ANO3: variants seen among roughly 807,000 people sequenced by gnomAD.
The protein encoded by ANO3 is anoctamin 3, also known as anoctamin-3.
A neutral mutation model predicts 144.8 loss-of-function variants in ANO3; 99 were observed. The ratio of observed to expected loss-of-function variants is 0.68; its 90% CI spans 0.58 to 0.81. The LOEUF (loss-of-function observed/expected upper bound fraction) is 0.81. Among genes scored for constraint, ANO3 ranks in the 30% least tolerant of loss-of-function variants. The probability of loss-of-function intolerance (pLI) is 0.00; values close to 1 mark genes in which losing one functional copy is unlikely to be tolerated. For missense variants in ANO3, 905 were observed against 1,202.2 expected (o/e 0.75, Z 3.66); for synonymous variants, 414 against 392.6 (o/e 1.05, Z -0.64).
At chr11:26,484,075 G>T (rs1860341788) in intron 4 of ANO3, among the ~76,000 whole-genome samples, 1 of 152,178 alleles carries the variant, frequency 6.6e-6, no homozygotes, top group Admixed American at 6.5e-5. Flanking sequence ...AAATTTCAAA[G>T]TAGCAAAACA....
intron 4 of ANO3, among the ~76,000 whole-genome samples, chr11:26,493,905 G>T (rs569270562): frequency 6.6e-6 from 1 of 151,946 alleles, no homozygotes; most frequent in Non-Finnish European, 1.5e-5. Context: ...TTCAAGCCTG[G>T]AATTTGCCAA....
chr11:26,254,180 C>A (rs535829596), intron 1 of ANO3, among the ~76,000 whole-genome samples: 1 of 152,230 alleles, frequency 6.6e-6, no homozygotes, highest in East Asian at 1.9e-4. Context: ...GTAGCATTTC[C>A]TGGAAAGGTA....
intron 24 of ANO3, among the ~76,000 whole-genome samples, chr11:26,652,750 T>G (rs2133087257): frequency 6.6e-6 from 1 of 152,324 alleles, no homozygotes; most frequent in South Asian, 2.1e-4. Context: ...TGTTCCTATG[T>G]TCTCCAATTC....
At chr11:26,449,474 C>CTG (rs1292735078) in intron 3 of ANO3, among the ~76,000 whole-genome samples, 17 of 36,134 alleles carry the variant, frequency 4.7e-4, no homozygotes, top group East Asian at 3.3e-3. Flanking sequence ...GTCTGTCTGT[C>CTG]TCTCTCTCTC....
chr11:26,384,992 G>C (rs1355169994), intron 1 of ANO3, among the ~76,000 whole-genome samples: 1 of 152,096 alleles, frequency 6.6e-6, no homozygotes. Context: ...CCTCTAGTAT[G>C]TTTATCCCTT....
At chr11:26,544,246 T>TTATATATATATATATATATATATATA (rs754529950) in intron 11 of ANO3, among the ~76,000 whole-genome samples, 1 of 14,054 alleles carries the variant, frequency 7.1e-5, no homozygotes, top group East Asian at 4.4e-3. Flanking sequence ...TAGTATTTCA[T>TTATATATATATATATATATATATATA]TATACATATA....
intron 21 of ANO3, among the ~76,000 whole-genome samples, 173 bp from the exon 22 acceptor site, chr11:26,641,723 A>G (rs1277208051): frequency 6.6e-6 from 1 of 152,220 alleles, no homozygotes; most frequent in African/African-American, 2.4e-5. Context: ...AAGATATTTA[A>G]GCTTTCAAAA....
upstream of ANO3, among the ~76,000 whole-genome samples, chr11:26,305,661 A>G (rs1854364141): frequency 6.6e-6 from 1 of 152,182 alleles, no homozygotes; most frequent in Non-Finnish European, 1.5e-5. Context: ...TTACATAACT[A>G]CTTTCAGAGT....
Position 26,598,159 on chromosome 11 carries a change from A to T in ANO3, c.1448-206A>T, listed in dbSNP as rs74567353. On this transcript the variant is annotated intron_variant, in intron 14 of 26. Transcript: ENST00000256737. The stretch of plus-strand genomic sequence containing the variant: ...CCCTGCTTCTTGGTTCCAGTAAAAG[A>T]AATCACACCCCTCTAGCAGTGTATG... Among the ~76,000 whole-genome samples the T allele has an allele frequency of 8.2e-3, 1,246 of 152,346 alleles. 21 individuals carry two copies. The highest frequency in any genetic ancestry group is 0.029 in the African/African-American group (1,185 of 41,568).
intron 20 of ANO3, among the ~76,000 whole-genome samples, chr11:26,635,396 A>G (rs1027787380): frequency 3.9e-5 from 6 of 152,072 alleles, no homozygotes; most frequent in African/African-American, 1.4e-4. Flanking sequence ...TAAATATGTT[A>G]GGTTTCCTTT....
intron 17 of ANO3, among the ~76,000 whole-genome samples, chr11:26,603,748 T>C (rs962825308): frequency 6.6e-6 from 1 of 152,144 alleles, no homozygotes; most frequent in African/African-American, 2.4e-5. Flanking sequence ...TGAGAAAAAA[T>C]GTGGCACACC....
At chr11:26,197,043 A>G (rs1309943515) in intron 1 of ANO3, among the ~76,000 whole-genome samples, 3 of 152,214 alleles carry the variant, frequency 2.0e-5, no homozygotes, top group East Asian at 3.9e-4. Flanking sequence ...CATGCATAAC[A>G]GTGTATATGT....
rs1179269596 is a variant in ANO3, at chr11:26,340,852, T to C, written c.46+8531T>C. ...CTAAATGGCATTGGCTGTCTTGTCT[T>C]GTTTATTCTATGCTCTTTAACTTCT... is the stretch of plus-strand genomic sequence containing the variant. On this transcript the variant is annotated intron_variant, in intron 1 of 26. Transcript: ENST00000256737. 2.0e-5 allele frequency among the ~76,000 whole-genome samples: 3 copies of C among 152,206 alleles called. No individual in the cohort carries two copies. The East Asian group carries it at 5.8e-4, about 29-fold the overall frequency.
At chr11:26,408,260 A>G (rs192600485) in intron 1 of ANO3, among the ~76,000 whole-genome samples, 24,054 of 151,460 alleles carry the variant, frequency 0.16, 2,057 homozygotes, top group South Asian at 0.3. Context: ...TCTACAATGA[A>G]CTCAAACAAA....
At chr11:26,653,221 A>G (rs6484237) in intron 24 of ANO3, among the ~76,000 whole-genome samples, 57,170 of 151,958 alleles carry the variant, frequency 0.38, 11,946 homozygotes, top group South Asian at 0.49. Context: ...AAAACTTGCC[A>G]TGCCCAAATT....
chr11:26,343,557 C>T (rs373521881), intron 1 of ANO3, among the ~76,000 whole-genome samples: 50 of 152,174 alleles, frequency 3.3e-4, no homozygotes, highest in South Asian at 2.3e-3. Flanking sequence ...CTCACGACTC[C>T]GTGGTACACT....
At chr11:26,467,966 G>A (rs936388104) in intron 4 of ANO3, among the ~76,000 whole-genome samples, 2 of 151,784 alleles carry the variant, frequency 1.3e-5, no homozygotes, top group Non-Finnish European at 2.9e-5. Flanking sequence ...TTTTAAGATG[G>A]TTTGGGTAAA....
intron 1 of ANO3, among the ~76,000 whole-genome samples, chr11:26,396,613 C>T (rs1273659557): frequency 1.0e-4 from 2 of 19,196 alleles, no homozygotes; most frequent in Non-Finnish European, 3.3e-4. Flanking sequence ...ACTATGCATC[C>T]ATAAAAAGAT....
At chr11:26,294,223 A>G (rs896364920) in intron 1 of ANO3, among the ~76,000 whole-genome samples, 40 of 152,338 alleles carry the variant, frequency 2.6e-4, no homozygotes, top group African/African-American at 9.4e-4. Flanking sequence ...GATTGCCTCA[A>G]GACTGTCATC....
Sources: gnomAD v4.1 joint callset for allele counts (sites outside exome capture counted in the v4.1 genomes callset) on GRCh38, gnomAD v4.1.1 for gene constraint, MANE v1.5 for transcripts, NCBI Gene and HGNC (gene_info 2026-07-23, HGNC 2026-07-21) for gene names.